The following HERC3 variants were observed in gnomAD, a reference collection of about 807,000 sequenced individuals.
The protein encoded by HERC3 is probable E3 ubiquitin-protein ligase HERC3.
In HERC3, 58 loss-of-function variants were observed where a neutral mutation model predicts 129.9. The ratio of observed to expected loss-of-function variants is 0.45; its 90% CI spans 0.36 to 0.56. The LOEUF is 0.56. Among genes scored for constraint, HERC3 ranks in the 20% least tolerant of loss-of-function variants. HERC3 has a pLI of 0.00. For synonymous variants in HERC3, 430 were observed against 451.0 expected, an observed-to-expected ratio of 0.95 and a Z score of 0.59; for missense variants, 835 against 1,244.2, an observed-to-expected ratio of 0.67 and a Z score of 4.95.
chr4:88,584,649 C>A, the HERC3 span, among the ~76,000 whole-genome samples: 1 of 152,212 alleles, frequency 6.6e-6, no homozygotes, highest in African/African-American at 2.4e-5. Flanking sequence ...TGCTCTTCCA[C>A]CACATGAGGA....
intron 1 of HERC3, 23 bp from the exon 2 acceptor site, chr4:88,595,530 GTTAT>G (rs1392265899): frequency 6.6e-6 from 1 of 152,170 alleles, no homozygotes; most frequent in Non-Finnish European, 1.5e-5. Flanking sequence ...CCATACTAAT[GTTAT>G]TTATTATTTC....
At chr4:88,664,652 A>G (rs1423127589) in intron 12 of HERC3, among the ~76,000 whole-genome samples, 2 of 152,214 alleles carry the variant, frequency 1.3e-5, no homozygotes, top group Admixed American at 6.5e-5. Flanking sequence ...TAAGATTTTC[A>G]GAGTATTCTA....
intron 2 of HERC3, among the ~76,000 whole-genome samples, chr4:88,604,680 T>G (rs1355919312): frequency 1.3e-5 from 2 of 152,234 alleles, no homozygotes; most frequent in African/African-American, 4.8e-5. Flanking sequence ...TGATGGACAT[T>G]TTGGTTATTT....
chr4:88,575,834 G>A, the HERC3 span, among the ~76,000 whole-genome samples: 9 of 152,176 alleles, frequency 5.9e-5, no homozygotes, highest in Admixed American at 2.0e-4. Flanking sequence ...CATCAAACCC[G>A]GTTCAATTTG....
At chr4:88,541,267 C>CA in the HERC3 span, among the ~76,000 whole-genome samples, 29 of 147,162 alleles carry the variant, frequency 2.0e-4, no homozygotes, top group African/African-American at 5.0e-4. Flanking sequence ...AAATGGAAAG[C>CA]AAAAAAAAAG....
the HERC3 span, among the ~76,000 whole-genome samples, chr4:88,544,188 A>G: frequency 6.6e-6 from 1 of 152,236 alleles, no homozygotes; most frequent in African/African-American, 2.4e-5. Flanking sequence ...AAGGTCTAAT[A>G]TCCAGAATCT....
In HERC3 at chr4:88,704,057, A is replaced by C; in HGVS notation, c.2658-41A>C. 3 of 1,574,400 alleles carry C rather than the reference A, an allele frequency of 1.9e-6. 1 individual carries two copies. In the South Asian group the frequency reaches 3.4e-5, roughly 18 times the overall value. ...AGAAGGGTAACTTCATAAGCTTTACAAGACTTTGAGCTAAATGTATTTTCT... is the reference window on the plus strand; with the variant it reads ...AGAAGGGTAACTTCATAAGCTTTACCAGACTTTGAGCTAAATGTATTTTCT... On this transcript the variant is annotated intron_variant, in intron 23 of 25. Transcript: ENST00000402738.
chr4:88,534,875 AG>A, the HERC3 span, among the ~76,000 whole-genome samples: 1 of 152,328 alleles, frequency 6.6e-6, no homozygotes, highest in African/African-American at 2.4e-5. Context: ...GCCATCAAAT[AG>A]TCCATAGTGT....
At chr4:88,641,819 TAAA>T (rs1487717706) in intron 3 of HERC3, among the ~76,000 whole-genome samples, 2 of 152,154 alleles carry the variant, frequency 1.3e-5, no homozygotes, top group East Asian at 3.9e-4. Context: ...TTTAAAGCCT[TAAA>T]AAGAAGTTCC....
chr4:88,601,873 G>A (rs1464378186), intron 2 of HERC3, among the ~76,000 whole-genome samples: 1 of 123,110 alleles, frequency 8.1e-6, no homozygotes, highest in Non-Finnish European at 1.5e-5. Flanking sequence ...CGGCTAAAAC[G>A]GTGAAACCCC....
chr4:88,650,260 C>T (rs958234821), intron 4 of HERC3, among the ~76,000 whole-genome samples: 4 of 152,002 alleles, frequency 2.6e-5, no homozygotes, highest in Admixed American at 2.0e-4. Context: ...GCCTGGCAGT[C>T]GATAAATGTT....
In HERC3 at chr4:88,656,009, A is replaced by G; in HGVS notation, c.1043A>G (p.His348Arg). ...PSPVKGYWAA[H>R]SGQLSARADR... ...CCTGTCAAGGGTTACTGGGCTGCCC[A>G]CAGTGGCCAGCTTTCAGCCCGAGCT... Residue 348 changes from histidine to arginine, a missense_variant, in exon 9 of 26, where the codon CAC (histidine) becomes CGC (arginine). His to Arg is a conservative substitution (Grantham distance 29, BLOSUM62 0). Transcript: ENST00000402738. 1 of 1,614,130 alleles carries G rather than the reference A, an allele frequency of 6.2e-7. No individual in the cohort carries two copies. Among genetic ancestry groups the G allele is most frequent in the Non-Finnish European group, 8.5e-7 (1 of 1,179,954 alleles).
At chr4:88,607,412 A>G (rs1363114071) in intron 3 of HERC3, among the ~76,000 whole-genome samples, 2 of 152,170 alleles carry the variant, frequency 1.3e-5, no homozygotes, top group South Asian at 2.1e-4. Context: ...TAATTGATTT[A>G]TAACAGGTGC....
chr4:88,666,999 A>G (rs1037844048), intron 12 of HERC3, among the ~76,000 whole-genome samples: 2 of 152,188 alleles, frequency 1.3e-5, no homozygotes, highest in South Asian at 4.1e-4. Context: ...CATCTAGTTC[A>G]ATGAGCCACA....
At chr4:88,609,181 G>A (rs1724016016) in intron 3 of HERC3, among the ~76,000 whole-genome samples, 1 of 151,840 alleles carries the variant, frequency 6.6e-6, no homozygotes, top group African/African-American at 2.4e-5. Context: ...TACTTGGGAG[G>A]TTGAGGTTGG....
chr4:88,572,954 G>A, the HERC3 span, among the ~76,000 whole-genome samples: 1 of 152,030 alleles, frequency 6.6e-6, no homozygotes, highest in Non-Finnish European at 1.5e-5. Context: ...TATCTGAAAA[G>A]TTATATTTTG....
the HERC3 span, among the ~76,000 whole-genome samples, chr4:88,577,442 A>G: frequency 2.6e-5 from 4 of 151,970 alleles, no homozygotes; most frequent in African/African-American, 4.8e-5. Context: ...ACAATTTCAC[A>G]TTTTCAACCT....
chr4:88,694,787 A>T (rs1734427869), intron 23 of HERC3, among the ~76,000 whole-genome samples: 1 of 152,118 alleles, frequency 6.6e-6, no homozygotes, highest in Non-Finnish European at 1.5e-5. Context: ...GGTCATACAC[A>T]TTTCTTATTA....
chr4:88,609,217 A>T (rs1724020823), intron 3 of HERC3, among the ~76,000 whole-genome samples: 1 of 152,132 alleles, frequency 6.6e-6, no homozygotes, highest in Non-Finnish European at 1.5e-5. Context: ...CTGGAGATCA[A>T]AACTGTGGTG....
Sources: gnomAD v4.1 joint callset for allele counts (sites outside exome capture counted in the v4.1 genomes callset) on GRCh38, gnomAD v4.1.1 for gene constraint, MANE v1.5 for transcripts, NCBI Gene and HGNC (gene_info 2026-07-23, HGNC 2026-07-21) for gene names.